Variants in BICD1 observed in about 807,000 individuals in gnomAD.
The protein encoded by BICD1 is protein bicaudal D homolog 1.
BICD1 carries 35 observed loss-of-function variants against 92.5 expected under a neutral mutation model. The observed-to-expected ratio is 0.38, with a 90% CI of 0.29 to 0.50. BICD1 has a LOEUF of 0.50. Ranked by LOEUF, BICD1 falls within the 20% of genes least tolerant of loss-of-function variation. BICD1 has a pLI of 0.93. For synonymous variants in BICD1, 429 were observed against 465.1 expected (o/e 0.92, Z 1.00); for missense variants, 950 against 1,189.8 (o/e 0.80, Z 2.97).
intron 4 of BICD1, among the ~76,000 whole-genome samples, chr12:32,315,174 C>T (rs1306989579): frequency 6.6e-6 from 1 of 152,144 alleles, no homozygotes; most frequent in African/African-American, 2.4e-5. Context: ...TACACGTGGG[C>T]ATCCAGTTGT....
intron 1 of BICD1, among the ~76,000 whole-genome samples, chr12:32,194,684 C>G (rs539841594): frequency 6.6e-6 from 1 of 151,834 alleles, no homozygotes; most frequent in Non-Finnish European, 1.5e-5. Flanking sequence ...GATTTTGAGA[C>G]CAGCCTGACC....
At chr12:32,185,464 T>C (rs1944401499) in intron 1 of BICD1, among the ~76,000 whole-genome samples, 1 of 152,224 alleles carries the variant, frequency 6.6e-6, no homozygotes, top group African/African-American at 2.4e-5. Context: ...CTATTCCATG[T>C]CACTGTCATT....
At chr12:32,203,838 G>T (rs1944975488) in intron 1 of BICD1, among the ~76,000 whole-genome samples, 1 of 152,050 alleles carries the variant, frequency 6.6e-6, no homozygotes, top group Admixed American at 6.6e-5. Context: ...CTCAATAGGG[G>T]TCTGGCACAA....
chr12:32,201,536 T>C (rs1389724120), intron 1 of BICD1, among the ~76,000 whole-genome samples: 2 of 152,148 alleles, frequency 1.3e-5, no homozygotes, highest in African/African-American at 4.8e-5. Context: ...TTTTTCTTCC[T>C]GGGGATAGGT....
intron 1 of BICD1, among the ~76,000 whole-genome samples, chr12:32,210,134 TG>T (rs1373630758): frequency 3.3e-5 from 5 of 152,230 alleles, no homozygotes; most frequent in Admixed American, 6.5e-5. Context: ...TTTTTTTTTT[TG>T]TTTTCCCAGA....
intron 4 of BICD1, among the ~76,000 whole-genome samples, chr12:32,319,811 G>A (rs948024354): frequency 2.0e-5 from 3 of 152,224 alleles, no homozygotes; most frequent in Non-Finnish European, 2.9e-5. Context: ...CTGACCTCAA[G>A]TGATCCTCCC....
rs181058214 is a variant in BICD1 at position 32,108,452 on chromosome 12, A to C, written c.213+908A>C. ...ACTCTTAAGAACATACATATTGTTT[A>C]AGTAACTCGGTCTTTTTTATCTGAT... On this transcript the variant is annotated intron_variant, in intron 1 of 9. Transcript: ENST00000652176. 38 of 448,588 alleles carry C rather than the reference A, an allele frequency of 8.5e-5. No individual in the cohort carries two copies. In the Admixed American group the frequency reaches 1.4e-3, roughly 17 times the overall value. The allele number at this position is 448,588 out of a possible 1,614,324, so 27.8% of individuals were successfully genotyped here.
At chr12:32,355,283 C>T (rs912275326) in intron 8 of BICD1, among the ~76,000 whole-genome samples, 5 of 152,144 alleles carry the variant, frequency 3.3e-5, no homozygotes, top group South Asian at 2.1e-4. Flanking sequence ...TGTAAACTCT[C>T]CTTTCAAGTG....
intron 1 of BICD1, chr12:32,108,555 C>A: frequency 3.3e-6 from 2 of 612,718 alleles, no homozygotes; most frequent in South Asian, 1.9e-5. Flanking sequence ...GTGTCAAGTC[C>A]TTATTTTTAG....
At chr12:32,302,187 G>A (rs1391163613) in intron 3 of BICD1, among the ~76,000 whole-genome samples, 3 of 152,098 alleles carry the variant, frequency 2.0e-5, no homozygotes, top group Non-Finnish European at 2.9e-5. Context: ...AGCCCAGCCC[G>A]AACTTTTGAT....
At chr12:32,131,628 A>C (rs144673668) in intron 1 of BICD1, among the ~76,000 whole-genome samples, 4,825 of 152,368 alleles carry the variant, frequency 0.032, 106 homozygotes, top group Non-Finnish European at 0.046. Context: ...TCTGTTGCAC[A>C]AAAAGGGGAA....
At chr12:32,117,733 C>CAT (rs1367815242) in intron 1 of BICD1, among the ~76,000 whole-genome samples, 2 of 127,558 alleles carry the variant, frequency 1.6e-5, no homozygotes, top group Non-Finnish European at 1.7e-5. Flanking sequence ...CACACACACA[C>CAT]ACATATATAT....
intron 1 of BICD1, among the ~76,000 whole-genome samples, chr12:32,177,583 A>G (rs1944131687): frequency 6.6e-6 from 1 of 150,848 alleles, no homozygotes; most frequent in South Asian, 2.1e-4. Flanking sequence ...GTTCACTGGC[A>G]TGCTAACCAT....
At chr12:32,319,687 C>T in intron 4 of BICD1, among the ~76,000 whole-genome samples, 1 of 151,852 alleles carries the variant, frequency 6.6e-6, no homozygotes, top group South Asian at 2.1e-4. Flanking sequence ...AAGCAATTCT[C>T]CTGCCTCAGC....
chr12:32,233,024 G>A (rs1389850171), intron 2 of BICD1, among the ~76,000 whole-genome samples: 1 of 152,122 alleles, frequency 6.6e-6, no homozygotes, highest in Non-Finnish European at 1.5e-5. Flanking sequence ...TGTAGAAATG[G>A]CAACTCTGGC....
intron 8 of BICD1, among the ~76,000 whole-genome samples, chr12:32,364,811 TGTGGTG>T (rs1939464280): frequency 6.6e-6 from 1 of 151,712 alleles, no homozygotes; most frequent in African/African-American, 2.4e-5. Flanking sequence ...ATTAGCAGGG[TGTGGTG>T]GTGTGTGCCT....
intron 2 of BICD1, among the ~76,000 whole-genome samples, chr12:32,248,159 A>C (rs1300857109): frequency 2.6e-5 from 4 of 152,204 alleles, no homozygotes; most frequent in Non-Finnish European, 4.4e-5. Flanking sequence ...ATCCTAGAGA[A>C]AAATGTCTTT....
chr12:32,284,659 G>A (rs1195092441), intron 2 of BICD1, among the ~76,000 whole-genome samples: 2 of 152,308 alleles, frequency 1.3e-5, no homozygotes, highest in East Asian at 1.9e-4. Context: ...GTCTGATCGT[G>A]TGGCTGTTTT....
At chr12:32,119,138 C>T (rs1942052738) in intron 1 of BICD1, among the ~76,000 whole-genome samples, 1 of 152,144 alleles carries the variant, frequency 6.6e-6, no homozygotes, top group Non-Finnish European at 1.5e-5. Context: ...AGGACAAGTG[C>T]CAAGATCTGC....
Sources: gnomAD v4.1 joint callset for allele counts (sites outside exome capture counted in the v4.1 genomes callset) on GRCh38, gnomAD v4.1.1 for gene constraint, MANE v1.5 for transcripts, NCBI Gene and HGNC (gene_info 2026-07-23, HGNC 2026-07-21) for gene names.